Variants in DGKB observed in about 807,000 individuals in gnomAD.
DGKB encodes 90 kDa diacylglycerol kinase.
DGKB carries 67 observed loss-of-function variants against 114.3 expected under a neutral mutation model. The ratio of observed to expected loss-of-function variants is 0.59; its 90% CI spans 0.48 to 0.72. The LOEUF is 0.72. Among genes scored for constraint, DGKB ranks in the 30% least tolerant of loss-of-function variants. The pLI, the probability that DGKB is intolerant of heterozygous loss-of-function variation, is 0.00. For synonymous variants in DGKB, 398 were observed against 323.1 expected (o/e 1.23, Z -2.49); for missense variants, 907 against 975.2 (o/e 0.93, Z 0.93).
At chr7:14,238,765 T>C (rs1470322751) in intron 23 of DGKB, among the ~76,000 whole-genome samples, 2 of 151,992 alleles carry the variant, frequency 1.3e-5, no homozygotes, top group Non-Finnish European at 2.9e-5. Flanking sequence ...TGGTTACAAA[T>C]GGTGGAATTT....
chr7:14,875,334 T>C (rs1224617968), intron 1 of DGKB, among the ~76,000 whole-genome samples: 1 of 152,152 alleles, frequency 6.6e-6, no homozygotes, highest in Non-Finnish European at 1.5e-5. Flanking sequence ...AAAACAAAAT[T>C]CTGCTGCTTC....
At chr7:14,552,144 T>C (rs1477386817) in intron 20 of DGKB, among the ~76,000 whole-genome samples, 1 of 152,150 alleles carries the variant, frequency 6.6e-6, no homozygotes, top group Non-Finnish European at 1.5e-5. Context: ...CTTATTTGTA[T>C]CACCTCTAGC....
At chr7:14,359,182 A>T (rs1432336810) in intron 21 of DGKB, among the ~76,000 whole-genome samples, 2 of 152,178 alleles carry the variant, frequency 1.3e-5, no homozygotes, top group African/African-American at 4.8e-5. Context: ...CAACCAACTG[A>T]TCTTTGACAA....
intron 21 of DGKB, among the ~76,000 whole-genome samples, chr7:14,436,993 C>T (rs1829380624): frequency 6.6e-6 from 1 of 152,002 alleles, no homozygotes. Flanking sequence ...TCTTAATGAA[C>T]ATAACTCCAT....
At chr7:14,155,576 G>T (rs1442257202) in intron 25 of DGKB, among the ~76,000 whole-genome samples, 3 of 152,074 alleles carry the variant, frequency 2.0e-5, no homozygotes, top group Admixed American at 1.3e-4. Context: ...CAAATGGAAG[G>T]TTAATTTGAT....
At position 14,908,596 on chromosome 7, in the gene DGKB, C is replaced by G. The variant is rs945148080; in HGVS notation, c.-188+66100G>C. ...TTGTTTACAATTTAGAGAAGAATGC[C>G]TTAAGATAAAGCATTTTATTTTTTT... On this transcript the variant is annotated intron_variant, in intron 1 of 4. Transcript: ENST00000437998. Among the ~76,000 whole-genome samples the G allele has an allele frequency of 2.6e-5, 4 of 152,086 alleles. No homozygotes were observed. In the East Asian group the frequency reaches 7.7e-4, roughly 29 times the overall value.
chr7:14,429,684 A>G (rs1828128525), intron 21 of DGKB, among the ~76,000 whole-genome samples: 1 of 152,112 alleles, frequency 6.6e-6, no homozygotes, highest in Non-Finnish European at 1.5e-5. Context: ...GCACTTTGAG[A>G]GGCCAAGGTG....
At chr7:14,690,677 C>T (rs752318078) in intron 9 of DGKB, among the ~76,000 whole-genome samples, 2 of 152,186 alleles carry the variant, frequency 1.3e-5, no homozygotes, top group Middle Eastern at 3.2e-3. Context: ...GCAGTTAAGG[C>T]GGAGACCTTA....
intron 1 of DGKB, among the ~76,000 whole-genome samples, chr7:14,962,636 T>TGTGTGTG (rs1786919990): frequency 7.0e-6 from 1 of 141,940 alleles, no homozygotes; most frequent in African/African-American, 2.5e-5. Flanking sequence ...GTGTGTGTGT[T>TGTGTGTG]TGTGTGTGTG....
chr7:14,723,586 T>C (rs916591183), intron 5 of DGKB, among the ~76,000 whole-genome samples: 1 of 148,360 alleles, frequency 6.7e-6, no homozygotes, highest in African/African-American at 2.6e-5. Flanking sequence ...TGTGTGTGTA[T>C]ATACACATAC....
chr7:14,624,420 T>C (rs1024559685), intron 14 of DGKB, among the ~76,000 whole-genome samples: 16 of 152,196 alleles, frequency 1.1e-4, no homozygotes, highest in Admixed American at 8.5e-4. Flanking sequence ...AAAATTCAAT[T>C]TGATTAGTTA....
At chr7:14,294,734 C>A (rs1234444462) in intron 23 of DGKB, among the ~76,000 whole-genome samples, 2 of 152,024 alleles carry the variant, frequency 1.3e-5, no homozygotes, top group East Asian at 3.9e-4. Context: ...ATTATCTGAC[C>A]ACTCAAAGAT....
intron 20 of DGKB, among the ~76,000 whole-genome samples, chr7:14,537,679 A>C (rs909712413): frequency 6.6e-6 from 1 of 152,214 alleles, no homozygotes; most frequent in African/African-American, 2.4e-5. Context: ...ACAACAACAA[A>C]ACAAAACTTT....
At chr7:14,903,920 T>C (rs1344129964), upstream of DGKB, among the ~76,000 whole-genome samples, 1 of 152,166 alleles carries the variant, frequency 6.6e-6, no homozygotes, top group Non-Finnish European at 1.5e-5. Flanking sequence ...CTTATCTATA[T>C]AATATTCTCA....
chr7:14,603,641 C>G (rs74644252), intron 17 of DGKB, among the ~76,000 whole-genome samples: 224 of 152,128 alleles, frequency 1.5e-3, no homozygotes, highest in Middle Eastern at 6.8e-3. Flanking sequence ...TGTAGGTTGA[C>G]TGTTGCATTA....
At chr7:14,266,900 T>G (rs142026553) in intron 23 of DGKB, among the ~76,000 whole-genome samples, 8 of 152,374 alleles carry the variant, frequency 5.3e-5, no homozygotes, top group East Asian at 1.9e-4. Flanking sequence ...TTAAGCAGAC[T>G]GATGTACATA....
chr7:14,273,590 GAAT>G (rs1486685136), intron 23 of DGKB, among the ~76,000 whole-genome samples: 4 of 152,194 alleles, frequency 2.6e-5, no homozygotes, highest in African/African-American at 9.6e-5. Context: ...CTAGTTTTGA[GAAT>G]AATTTGGGAT....
At chr7:14,368,112 T>C (rs935599444) in intron 21 of DGKB, among the ~76,000 whole-genome samples, 1 of 152,004 alleles carries the variant, frequency 6.6e-6, no homozygotes, top group Non-Finnish European at 1.5e-5. Flanking sequence ...GCAGAACATA[T>C]ATAGAGTTCC....
chr7:14,664,577 T>G (rs1817696527), intron 13 of DGKB, among the ~76,000 whole-genome samples: 1 of 151,920 alleles, frequency 6.6e-6, no homozygotes, highest in Non-Finnish European at 1.5e-5. Context: ...TATTTTGGAG[T>G]TTCATGATCA....
Sources: allele counts gnomAD v4.1 joint callset (sites outside exome capture counted in the v4.1 genomes callset), GRCh38; gene constraint gnomAD v4.1.1; transcripts MANE v1.5; gene names NCBI Gene and HGNC (gene_info 2026-07-23, HGNC 2026-07-21).